Variants in BPTF observed in about 807,000 individuals in gnomAD.
BPTF encodes bromodomain PHD finger transcription factor.
Under a neutral mutation model 292.5 loss-of-function variants are expected in BPTF, and 18 were observed. The ratio of observed to expected loss-of-function variants is 0.06; its 90% CI spans 0.04 to 0.09. BPTF has a LOEUF of 0.09. BPTF is among the 10% of genes least tolerant of loss of function. The pLI is 1.00. For missense variants in BPTF, 2,726 were observed against 3,498.7 expected (o/e 0.78, Z 5.57); for synonymous variants, 1,225 against 1,251.9 (o/e 0.98, Z 0.45).
Position 67,945,652 on chromosome 17 carries a change from C to G in BPTF, c.6944C>G (p.Pro2315Arg). 3.7e-6 allele frequency: 6 copies of G among 1,614,122 alleles called. No individual in the cohort carries two copies. The highest frequency in any genetic ancestry group is 5.1e-6 in the Non-Finnish European group (6 of 1,180,028). The change falls in exon 21 of 28, where the codon CCC becomes CGC. Residue 2315 changes from proline (P) to arginine (R), a missense_variant. Pro to Arg is a moderately radical substitution (Grantham distance 103). Coordinates refer to ENST00000306378, the MANE Select transcript of BPTF (RefSeq NM_182641.4). Reference sequence around the variant, plus strand: ...TCCCATGTCCCTTCTGAAGCACAACCCACCCACGCACAGTCATCCAAGCCC... The same window carrying G: ...TCCCATGTCCCTTCTGAAGCACAACGCACCCACGCACAGTCATCCAAGCCC... ...VSSHVPSEAQ[P>R]THAQSSKPQV...
chr17:67,886,361 T>C, intron 4 of BPTF: 1 of 1,319,122 alleles, frequency 7.6e-7, no homozygotes. Context: ...AGTTTTTTCT[T>C]TTTTTTCTTT....
chr17:67,917,846 C>G (rs1317238105), intron 11 of BPTF, among the ~76,000 whole-genome samples: 1 of 151,960 alleles, frequency 6.6e-6, no homozygotes, highest in East Asian at 1.9e-4. Context: ...GAGTCTCGCT[C>G]TGTCGCCTAG....
rs2062218088 is a variant in BPTF, at chr17:67,906,613, A to G, written c.2812+1773A>G. Among the ~76,000 whole-genome samples the G allele has an allele frequency of 2.0e-5, 3 of 151,962 alleles. No homozygotes were observed. In the South Asian group the frequency reaches 6.2e-4, roughly 32 times the overall value. On this transcript the variant is annotated intron_variant, in intron 9 of 27. Transcript: ENST00000306378. Reference sequence around the variant, plus strand: ...TTTTCTGTGATTCTTCTCTTACCTCACCACTATCCTGCTCTTGACAGGATT... The same window carrying G: ...TTTTCTGTGATTCTTCTCTTACCTCGCCACTATCCTGCTCTTGACAGGATT...
rs138432836 is a variant in BPTF at position 67,911,985 on chromosome 17, A to G, written c.4101A>G (p.Leu1367=). ...NGKKPSQQKK[L]EERPVNKCSD... Reference sequence around the variant, plus strand: ...AAAAACCAAGTCAGCAGAAGAAATTAGAGGAGAGACCAGTTAATAAATGTA... The same window carrying G: ...AAAAACCAAGTCAGCAGAAGAAATTGGAGGAGAGACCAGTTAATAAATGTA... Residue 1367 remains leucine (L), a synonymous_variant, in exon 11 of 28, where the codon TTA becomes TTG. Transcript: ENST00000306378. 2 of 1,614,138 alleles carry G rather than the reference A, an allele frequency of 1.2e-6. No individual in the cohort carries two copies. Among genetic ancestry groups the G allele is most frequent in the Non-Finnish European group, 1.7e-6 (2 of 1,180,002 alleles).
chr17:67,905,979 A>G (rs1410082574), intron 9 of BPTF, among the ~76,000 whole-genome samples: 1 of 152,158 alleles, frequency 6.6e-6, no homozygotes, highest in East Asian at 1.9e-4. Flanking sequence ...CAGCACACCA[A>G]CATGGCACAT....
Position 67,982,485 on chromosome 17 carries a change from C to A in BPTF, c.*197C>A. The A allele has an allele frequency of 2.1e-6, 1 of 469,198 alleles. No individual in the cohort carries two copies. Among genetic ancestry groups the A allele is most frequent in the Admixed American group, 4.0e-5 (1 of 24,918 alleles). 29.1% of individuals were successfully genotyped at this position (469,198 alleles called of 1,614,324 possible). On this transcript the variant is annotated 3_prime_UTR_variant, in exon 28 of 28. Transcript: ENST00000306378. ...GACAAGAAAAAAGCAAAGTCAACGA[C>A]ACCATTATCTTGTCAAGATCAGATG...
intron 4 of BPTF, among the ~76,000 whole-genome samples, chr17:67,882,359 G>A (rs539753402): frequency 3.3e-5 from 5 of 152,178 alleles, no homozygotes; most frequent in Admixed American, 6.5e-5. Flanking sequence ...TTTTTGAAAA[G>A]AAAAAGATCA....
rs200596839 is a variant in BPTF at position 67,866,652 on chromosome 17, G to C, written c.1625G>C (p.Arg542Pro). 6.2e-7 allele frequency: 1 copy of C among 1,613,742 alleles called. No homozygotes were observed. Among genetic ancestry groups the C allele is most frequent in the Non-Finnish European group, 8.5e-7 (1 of 1,179,780 alleles). The change falls in exon 3 of 28, where the codon CGG (arginine) becomes CCG (proline). Residue 542 changes from arginine to proline, a missense_variant. Transcript: ENST00000306378. Reference sequence around the variant, plus strand: ...ACTGAAGACCTGACCAATAAGGCTCGGGGCAGTAACAAATCCTTTCTGGCG... The same window carrying C: ...ACTGAAGACCTGACCAATAAGGCTCCGGGCAGTAACAAATCCTTTCTGGCG... ...DITEDLTNKA[R>P]GSNKSFLAAA...
intron 1 of BPTF, among the ~76,000 whole-genome samples, chr17:67,844,071 T>C (rs1238373372): frequency 5.2e-5 from 3 of 57,186 alleles, no homozygotes; most frequent in African/African-American, 1.1e-4. Flanking sequence ...GGCCCCCGCC[T>C]TTTTTTTTTT....
chr17:67,850,175 A>G (rs1414247792), intron 1 of BPTF, among the ~76,000 whole-genome samples: 1 of 152,190 alleles, frequency 6.6e-6, no homozygotes, highest in African/African-American at 2.4e-5. Context: ...ATAAATGTTT[A>G]TTTAATAGCT....
Position 67,854,822 on chromosome 17 carries a change from G to A in BPTF, c.1436+60G>A. The A allele has an allele frequency of 8.2e-7, 1 of 1,212,236 alleles. No individual in the cohort carries two copies. The highest frequency in any genetic ancestry group is 1.2e-6 in the Non-Finnish European group (1 of 847,016). The allele number at this position is 1,212,236 out of a possible 1,614,324, so 75.1% of individuals were successfully genotyped here. A position where few individuals can be genotyped will look rare whatever the true frequency, so the allele number is the denominator to read the frequency against. On this transcript the variant is annotated intron_variant, in intron 2 of 27. Coordinates refer to ENST00000306378, the MANE Select transcript of BPTF (RefSeq NM_182641.4). This position sits in a 1 kb window ranked among gnomAD's most constrained non-coding sequence, Gnocchi z 5.6. Reference sequence around the variant, plus strand: ...TTAAAATTAGACTAGTTTCCTTCGTGATTGATGTAGCAGAGCTATGCTGTT... The same window carrying A: ...TTAAAATTAGACTAGTTTCCTTCGTAATTGATGTAGCAGAGCTATGCTGTT...
intron 19 of BPTF, among the ~76,000 whole-genome samples, chr17:67,942,168 T>C (rs956578085): frequency 6.6e-6 from 1 of 151,964 alleles, no homozygotes; most frequent in African/African-American, 2.4e-5. Flanking sequence ...ATACAAAAAT[T>C]AGTCAGGCGT....
In BPTF at chr17:67,858,390, A is replaced by G. The variant is rs541415954; in HGVS notation, c.1436+3628A>G. Among the ~76,000 whole-genome samples the G allele has an allele frequency of 4.6e-5, 7 of 152,350 alleles. No individual in the cohort carries two copies. In the East Asian group the frequency reaches 9.6e-4, roughly 21 times the overall value. On this transcript the variant is annotated intron_variant, in intron 2 of 27. Transcript: ENST00000306378. ...CACGGAAACCTTTGTCAGCAAGGTC[A>G]TTCCAAATGGTGAAATAACTGTAAC...
intron 7 of BPTF, among the ~76,000 whole-genome samples, chr17:67,899,947 G>A (rs1482646311): frequency 6.6e-6 from 1 of 152,162 alleles, no homozygotes; most frequent in African/African-American, 2.4e-5. Context: ...CAGGGAGTTG[G>A]ACACACAAGC....
intron 3 of BPTF, among the ~76,000 whole-genome samples, chr17:67,868,627 A>C (rs2059526997): frequency 6.6e-6 from 1 of 152,232 alleles, no homozygotes; most frequent in East Asian, 1.9e-4. Flanking sequence ...AGATTCTGAA[A>C]GTACACTTTT....
chr17:67,886,174 T>A, intron 4 of BPTF: 1 of 1,613,470 alleles, frequency 6.2e-7, no homozygotes, highest in Non-Finnish European at 8.5e-7. Context: ...GTGCTACCAC[T>A]ACCTCCATCC....
intron 3 of BPTF, among the ~76,000 whole-genome samples, chr17:67,873,778 T>G (rs745908173): frequency 3.3e-5 from 5 of 152,208 alleles, no homozygotes; most frequent in Non-Finnish European, 7.3e-5. Context: ...TGACTACATT[T>G]TTTAGCTCTG....
At chr17:67,841,434 C>T (rs1345286670) in intron 1 of BPTF, among the ~76,000 whole-genome samples, 10 of 151,800 alleles carry the variant, frequency 6.6e-5, no homozygotes, top group South Asian at 6.2e-4. Context: ...AAAATAAATA[C>T]CACTATTTAA....
intron 11 of BPTF, among the ~76,000 whole-genome samples, chr17:67,913,446 A>G (rs1222690430): frequency 1.3e-5 from 2 of 152,220 alleles, no homozygotes; most frequent in African/African-American, 4.8e-5. Flanking sequence ...TAACTTTCAT[A>G]AGACAAAAGG....
Sources: gnomAD v4.1 joint callset for allele counts (sites outside exome capture counted in the v4.1 genomes callset) on GRCh38, gnomAD v4.1.1 for gene constraint, Gnocchi (gnomAD v3.1) non-coding constraint, MANE v1.5 for transcripts, NCBI Gene and HGNC (gene_info 2026-07-23, HGNC 2026-07-21) for gene names.